Variants in RNF123 observed in about 807,000 individuals in gnomAD.
The protein encoded by RNF123 is E3 ubiquitin-protein ligase RNF123.
In RNF123, 86 loss-of-function variants were observed where a neutral mutation model predicts 168.5. The ratio of observed to expected loss-of-function variants is 0.51; its 90% confidence interval spans 0.43 to 0.61. The LOEUF (loss-of-function observed/expected upper bound fraction) is 0.61. Among genes scored for constraint, RNF123 ranks in the 20% least tolerant of loss-of-function variants. RNF123 has a pLI of 0.00. For synonymous variants in RNF123, 666 were observed against 689.1 expected, an observed-to-expected ratio of 0.97 and a Z score of 0.52; for missense variants, 1,419 against 1,729.7, an observed-to-expected ratio of 0.82 and a Z score of 3.19.
chr3:49,710,569 C>T lies in RNF123; in HGVS notation c.2497-1910C>T, dbSNP rs146637200. ...TGCTGGGATTACAGGCTTCAGCAAC[C>T]GCGCCTGGCCATATCCTATAATTTT... On this transcript the variant is annotated intron_variant, in intron 26 of 38. Coordinates refer to ENST00000327697, the MANE Select transcript of RNF123 (RefSeq NM_022064.5). 7.5e-3 allele frequency among the ~76,000 whole-genome samples: 1,140 copies of T among 152,308 alleles called. 5 individuals are homozygous for T. The highest frequency in any genetic ancestry group is 0.012 in the Non-Finnish European group (850 of 68,032).
At position 49,713,788 on chromosome 3, in the gene RNF123, C is replaced by G. The variant is rs1223065735; in HGVS notation, c.2800C>G (p.His934Asp). ...QALASYVCYP[H>D]SLRAVERIPE... ...CCTGGCCAGCTACGTGTGCTACCCA[C>G]ACTCCCTGCGGGCTGTGGAGCGAAT... is the stretch of plus-strand genomic sequence containing the variant. Residue 934 changes from histidine to aspartate, a missense_variant, in exon 29 of 39, where the codon CAC becomes GAC. Coordinates refer to ENST00000327697, the MANE Select transcript of RNF123 (RefSeq NM_022064.5). 1 of 1,612,018 alleles carries G rather than the reference C, an allele frequency of 6.2e-7. No individual in the cohort carries two copies. Among genetic ancestry groups the G allele is most frequent in the Non-Finnish European group, 8.5e-7 (1 of 1,179,372 alleles).
intron 35 of RNF123, 45 bp from the exon 36 acceptor site, chr3:49,720,466 C>G (rs1289343515): frequency 6.6e-7 from 1 of 1,505,346 alleles, no homozygotes; most frequent in Non-Finnish European, 8.9e-7. Flanking sequence ...GACTTTTAGC[C>G]AGGCCCCAAG....
At chr3:49,718,356 G>A (rs761947662) in intron 35 of RNF123, 3 of 1,613,278 alleles carry the variant, frequency 1.9e-6, no homozygotes, top group African/African-American at 2.7e-5. Flanking sequence ...GAAAGTGCAC[G>A]CTCACGTTGT....
chr3:49,701,226 C>T (rs1394786247), intron 15 of RNF123, among the ~76,000 whole-genome samples: 4 of 152,244 alleles, frequency 2.6e-5, no homozygotes, highest in African/African-American at 9.6e-5. Context: ...GGCCACCAGT[C>T]CCTCTCTCCA....
chr3:49,706,833 T>C lies in RNF123; in HGVS notation c.2431T>C (p.Phe811Leu). ...AGAGTTGACCAAGAGCCAGAAGGTT[T>C]TCTCAGAAAAGCTGGACCACCTGAG... ...LAELTKSQKVFSEKLDHLSRR... is the reference protein window; with the variant it reads ...LAELTKSQKVLSEKLDHLSRR... Residue 811 changes from phenylalanine to leucine, a missense_variant, in exon 26 of 39, where the codon TTC becomes CTC. Physicochemically the swap from Phe to Leu is conservative, Grantham distance 22. This residue lies in a region of RNF123 where 538 missense variants were observed against 708.8 expected (regional missense o/e 0.76). Coordinates refer to ENST00000327697, the MANE Select transcript of RNF123 (RefSeq NM_022064.5). The C allele has an allele frequency of 6.2e-7, 1 of 1,614,144 alleles. No individual in the cohort carries two copies. The highest frequency in any genetic ancestry group is 1.1e-5 in the South Asian group (1 of 91,076).
chr3:49,715,151 G>A (rs188570998), intron 31 of RNF123, among the ~76,000 whole-genome samples: 2 of 152,404 alleles, frequency 1.3e-5, no homozygotes, highest in East Asian at 1.9e-4. Flanking sequence ...GCAGAGGACA[G>A]TAGAGGACAG....
intron 35 of RNF123, chr3:49,719,776 A>C (rs1330770834): frequency 6.2e-6 from 2 of 324,600 alleles, no homozygotes; most frequent in South Asian, 7.1e-5. Flanking sequence ...GGGCGGCTAC[A>C]TCCCTTTGTG....
At chr3:49,718,532 C>A (rs1221373882) in intron 35 of RNF123, 1 of 1,613,198 alleles carries the variant, frequency 6.2e-7, no homozygotes, top group East Asian at 2.2e-5. Context: ...TGCGGCGAAA[C>A]CCAGGCAATG....
chr3:49,721,301 C>T lies in RNF123; in HGVS notation c.3941C>T (p.Ala1314Val), dbSNP rs766105816. 2 of 1,614,210 alleles carry T rather than the reference C, an allele frequency of 1.2e-6. No individual in the cohort carries two copies. The highest frequency in any genetic ancestry group is 1.7e-6 in the Non-Finnish European group (2 of 1,180,034). ...GANTSTTSSA[A>V] ...AATACGAGTACTACCTCCTCAGCTGCCTAGCCCTCACAGCCTGTGCCATCC... is the reference window on the plus strand; with the variant it reads ...AATACGAGTACTACCTCCTCAGCTGTCTAGCCCTCACAGCCTGTGCCATCC... Residue 1314 changes from alanine to valine, a missense_variant, in exon 39 of 39, where the codon GCC (alanine) becomes GTC (valine). By Grantham distance (64) the Ala-to-Val change is moderately conservative (BLOSUM62 0). Coordinates refer to ENST00000327697, the MANE Select transcript of RNF123 (RefSeq NM_022064.5).
chr3:49,698,860 G>T, intron 9 of RNF123, 38 bp downstream of exon 9: 1 of 1,609,722 alleles, frequency 6.2e-7, no homozygotes, highest in South Asian at 1.1e-5. Flanking sequence ...CTGGCCCCTG[G>T]GGCCTCCCCA....
At chr3:49,709,080 G>A (rs1301457712) in intron 26 of RNF123, among the ~76,000 whole-genome samples, 2 of 151,364 alleles carry the variant, frequency 1.3e-5, no homozygotes, top group African/African-American at 2.4e-5. Flanking sequence ...TCAGCCTCCC[G>A]AGTAGCTGGG....
chr3:49,694,172 T>A (rs1274825719), intron 3 of RNF123, among the ~76,000 whole-genome samples: 1 of 152,234 alleles, frequency 6.6e-6, no homozygotes, highest in Non-Finnish European at 1.5e-5. Flanking sequence ...AAAAAATTTA[T>A]CACCTTCAGT....
At position 49,721,395 on chromosome 3, in the gene RNF123, G is replaced by A. The variant is rs2080404098; in HGVS notation, c.*90G>A. ...TATGAGCTCCCTTTGCCCTTCTCCTGTATCCCACACCACCACATCCAACCT... is the reference window on the plus strand; with the variant it reads ...TATGAGCTCCCTTTGCCCTTCTCCTATATCCCACACCACCACATCCAACCT... On this transcript the variant is annotated 3_prime_UTR_variant, in exon 39 of 39. Transcript: ENST00000327697. 1.3e-6 allele frequency: 2 copies of A among 1,533,068 alleles called. No homozygotes were observed. Among genetic ancestry groups the A allele is most frequent in the African/African-American group, 1.4e-5 (1 of 73,336 alleles). 95.0% of individuals were successfully genotyped at this position (1,533,068 alleles called of 1,614,324 possible).
At chr3:49,702,209 A>G in intron 18 of RNF123, 65 bp downstream of exon 18, 1 of 1,589,134 alleles carries the variant, frequency 6.3e-7, no homozygotes. Flanking sequence ...GGGCCTTAAG[A>G]CCCAGAGGGT....
rs1445795017 is a variant in RNF123, at chr3:49,702,328, T to C, written c.1558-6T>C. The C allele has an allele frequency of 6.2e-7, 1 of 1,614,120 alleles. No homozygotes were observed. Among genetic ancestry groups the C allele is most frequent in the Non-Finnish European group, 8.5e-7 (1 of 1,179,968 alleles). ...CAGCACAGCCTCACTTTTCCCTCTCTCAAAGGGTGAAGCTTCTAGGTATAT... is the reference window on the plus strand; with the variant it reads ...CAGCACAGCCTCACTTTTCCCTCTCCCAAAGGGTGAAGCTTCTAGGTATAT... On this transcript the variant is annotated splice_region_variant and splice_polypyrimidine_tract_variant and intron_variant, in intron 18 of 38. Transcript: ENST00000327697.
At position 49,704,972 on chromosome 3, in the gene RNF123, T is replaced by G. The variant is rs1190660264; in HGVS notation, c.1960-12T>G. ...AGCCAGCCCTGGTCCTGGCCGCCTTTCTTCACTGCAGCGCCCCATGCAGGC... is the reference window on the plus strand; with the variant it reads ...AGCCAGCCCTGGTCCTGGCCGCCTTGCTTCACTGCAGCGCCCCATGCAGGC... On this transcript the variant is annotated splice_polypyrimidine_tract_variant and intron_variant, in intron 22 of 38. Coordinates refer to ENST00000327697, the MANE Select transcript of RNF123 (RefSeq NM_022064.5). 10 of 1,595,178 alleles carry G rather than the reference T, an allele frequency of 6.3e-6. No homozygotes were observed. Among genetic ancestry groups the G allele is most frequent in the Non-Finnish European group, 8.5e-6 (10 of 1,171,506 alleles).
intron 29 of RNF123, 41 bp from the exon 30 acceptor site, chr3:49,713,869 T>C (rs374618394): frequency 3.5e-4 from 562 of 1,613,106 alleles, no homozygotes; most frequent in Non-Finnish European, 4.6e-4. Flanking sequence ...ACAAGCACCA[T>C]GCCCAGCCTC....
rs182716766 is a variant in RNF123 at position 49,695,448 on chromosome 3, A to G, written c.168-1695A>G. Among the ~76,000 whole-genome samples, 636 of 152,294 alleles carry G rather than the reference A, an allele frequency of 4.2e-3. 7 individuals carry two copies. The highest frequency in any genetic ancestry group is 0.015 in the African/African-American group (604 of 41,560). Reference sequence around the variant, plus strand: ...CCTTTATCCTTGGGCCCACTGGGGTATTCAGAGATGGGGTTGGCTTTAGCC... The same window carrying G: ...CCTTTATCCTTGGGCCCACTGGGGTGTTCAGAGATGGGGTTGGCTTTAGCC... On this transcript the variant is annotated intron_variant, in intron 3 of 38. Transcript: ENST00000327697.
rs555669398 is a variant in RNF123, at chr3:49,703,182, C to T, written c.1751-245C>T. Among the ~76,000 whole-genome samples the T allele has an allele frequency of 7.4e-4, 112 of 152,274 alleles. 1 individual carries two copies. Among genetic ancestry groups the T allele is most frequent in the African/African-American group, 2.6e-3 (106 of 41,548 alleles). Reference sequence around the variant, plus strand: ...TCTGCTTCTCCTGAGTGAACGGCTGCCATGAGTACCCCCATCACCCCAAGT... The same window carrying T: ...TCTGCTTCTCCTGAGTGAACGGCTGTCATGAGTACCCCCATCACCCCAAGT... On this transcript the variant is annotated intron_variant, in intron 20 of 38. Coordinates refer to ENST00000327697, the MANE Select transcript of RNF123 (RefSeq NM_022064.5).
Sources: allele counts gnomAD v4.1 joint callset (sites outside exome capture counted in the v4.1 genomes callset), GRCh38; gene constraint gnomAD v4.1.1; regional missense constraint gnomAD v4.1.1; transcripts MANE v1.5; gene names NCBI Gene and HGNC (gene_info 2026-07-23, HGNC 2026-07-21).